RAD51B: variants seen among roughly 807,000 people sequenced by gnomAD.
The protein encoded by RAD51B is RAD51 paralog B, also known as DNA repair protein RAD51 homolog 2.
A neutral mutation model predicts 42.2 loss-of-function variants in RAD51B; 38 were observed. The observed-to-expected ratio is 0.90, with a 90% CI of 0.70 to 1.18. The LOEUF is 1.18. Ranked by LOEUF, RAD51B falls within the 50% of genes most tolerant of loss-of-function variation. The probability of loss-of-function intolerance (pLI) is 0.00; values close to 1 mark genes in which losing one functional copy is unlikely to be tolerated. For synonymous variants in RAD51B, 154 were observed against 145.2 expected (o/e 1.06, Z -0.43); for missense variants, 373 against 400.7 (o/e 0.93, Z 0.59).
chr14:68,651,106 C>G (rs1892690204), intron 11 of RAD51B, among the ~76,000 whole-genome samples: 1 of 152,162 alleles, frequency 6.6e-6, no homozygotes, highest in Non-Finnish European at 1.5e-5. Context: ...ATTTTAAAAC[C>G]TGGTAAGCAT....
chr14:68,214,943 G>A (rs1384223312), intron 7 of RAD51B, among the ~76,000 whole-genome samples: 1 of 152,128 alleles, frequency 6.6e-6, no homozygotes, highest in East Asian at 1.9e-4. Flanking sequence ...ATCCTTGGGG[G>A]TTCTAATTAT....
chr14:68,339,021 CA>C (rs2082517218), intron 8 of RAD51B: 2 of 658,034 alleles, frequency 3.0e-6, no homozygotes, highest in South Asian at 3.0e-5. Flanking sequence ...GGCAGGCAGG[CA>C]GAAGACAGCC....
At chr14:68,096,523 A>G (rs2077198347) in intron 7 of RAD51B, among the ~76,000 whole-genome samples, 1 of 152,180 alleles carries the variant, frequency 6.6e-6, no homozygotes, top group South Asian at 2.1e-4. Context: ...ACTGGCCTTC[A>G]ATGATGGATG....
At chr14:68,636,345 G>A (rs1051580557) in intron 10 of RAD51B, among the ~76,000 whole-genome samples, 1 of 152,148 alleles carries the variant, frequency 6.6e-6, no homozygotes, top group Non-Finnish European at 1.5e-5. Context: ...CACATAGGGA[G>A]GCTGAGGTGG....
chr14:68,460,736 C>G (rs1419399554), intron 9 of RAD51B, among the ~76,000 whole-genome samples: 1 of 152,110 alleles, frequency 6.6e-6, no homozygotes, highest in Admixed American at 6.6e-5. Context: ...TGGGATCAGG[C>G]CAGGAAAAAC....
chr14:68,675,984 GA>G (rs1222975414), intron 11 of RAD51B, among the ~76,000 whole-genome samples: 3 of 152,258 alleles, frequency 2.0e-5, no homozygotes, highest in Non-Finnish European at 4.4e-5. Flanking sequence ...GAGAAAGTCA[GA>G]AAAATGGAAC....
At chr14:67,980,766 A>G (rs1595199267) in intron 7 of RAD51B, among the ~76,000 whole-genome samples, 1 of 152,226 alleles carries the variant, frequency 6.6e-6, no homozygotes, top group East Asian at 1.9e-4. Context: ...TGTAAAAACT[A>G]AAACTATAAA....
chr14:68,037,832 G>A (rs2140387568), intron 7 of RAD51B, among the ~76,000 whole-genome samples: 1 of 152,298 alleles, frequency 6.6e-6, no homozygotes. Context: ...GATAAACAAT[G>A]TACTTTCTGT....
chr14:68,597,410 C>T (rs544885060), downstream of RAD51B, among the ~76,000 whole-genome samples: 13 of 152,276 alleles, frequency 8.5e-5, no homozygotes, highest in South Asian at 2.5e-3. Context: ...GAGACTCCCA[C>T]CCTACTCCTG....
At chr14:68,185,786 G>A (rs1222464747) in intron 7 of RAD51B, among the ~76,000 whole-genome samples, 3 of 152,122 alleles carry the variant, frequency 2.0e-5, no homozygotes, top group Non-Finnish European at 2.9e-5. Context: ...AATAGGATTC[G>A]TGTTCCTAAG....
intron 7 of RAD51B, among the ~76,000 whole-genome samples, chr14:68,186,765 G>T (rs1225643594): frequency 2.6e-5 from 4 of 152,144 alleles, no homozygotes; most frequent in Non-Finnish European, 5.9e-5. Context: ...CTGTTGGTGG[G>T]AATGTAAATT....
intron 7 of RAD51B, among the ~76,000 whole-genome samples, chr14:68,148,172 C>T (rs1240656316): frequency 6.6e-6 from 1 of 152,162 alleles, no homozygotes; most frequent in Non-Finnish European, 1.5e-5. Flanking sequence ...ATTACTTTTT[C>T]CTGCAAAGTA....
intron 9 of RAD51B, chr14:68,422,239 G>A (rs2084720622): frequency 8.1e-6 from 7 of 864,600 alleles, no homozygotes; most frequent in South Asian, 7.9e-5. Flanking sequence ...CGTCCGCAGA[G>A]CACCCAAATT....
chr14:68,371,051 A>G (rs1286916433), intron 8 of RAD51B, among the ~76,000 whole-genome samples: 10 of 105,426 alleles, frequency 9.5e-5, no homozygotes, highest in East Asian at 2.8e-4. Context: ...AAAAAAAAAA[A>G]AAAAGAAAAA....
intron 8 of RAD51B, among the ~76,000 whole-genome samples, chr14:68,385,713 CTG>C (rs1339068664): frequency 6.6e-6 from 1 of 152,162 alleles, no homozygotes; most frequent in Non-Finnish European, 1.5e-5. Flanking sequence ...TTTGACCTCT[CTG>C]GACTTCAGTA....
intron 10 of RAD51B, among the ~76,000 whole-genome samples, chr14:68,472,871 C>T (rs1213566560): frequency 1.3e-5 from 2 of 152,198 alleles, no homozygotes; most frequent in Non-Finnish European, 2.9e-5. Flanking sequence ...CTATGTGCCT[C>T]ATCTTTCTTG....
chr14:67,865,277 G>GC, intron 5 of RAD51B, 138 bp downstream of exon 5: 1 of 878,236 alleles, frequency 1.1e-6, no homozygotes, highest in East Asian at 3.4e-5. Context: ...TTGCTCTGTT[G>GC]CCGGGCTGGA....
intron 7 of RAD51B, among the ~76,000 whole-genome samples, chr14:68,002,133 C>T (rs1002116619): frequency 6.6e-6 from 1 of 152,182 alleles, no homozygotes; most frequent in Non-Finnish European, 1.5e-5. Flanking sequence ...CTGTGTTCTA[C>T]AATGGCTGAA....
intron 7 of RAD51B, among the ~76,000 whole-genome samples, chr14:67,956,967 T>A (rs1466800617): frequency 6.6e-6 from 1 of 152,216 alleles, no homozygotes; most frequent in Non-Finnish European, 1.5e-5. Flanking sequence ...TTGTCCTTCA[T>A]CTCTTCAACA....
Sources: gnomAD v4.1 joint callset for allele counts (sites outside exome capture counted in the v4.1 genomes callset) on GRCh38, gnomAD v4.1.1 for gene constraint, MANE v1.5 for transcripts, NCBI Gene and HGNC (gene_info 2026-07-23, HGNC 2026-07-21) for gene names.